Variants in CDH12 observed in about 807,000 individuals in gnomAD.
CDH12 encodes the protein cadherin 12.
CDH12 carries 41 observed loss-of-function variants against 74.1 expected under a neutral mutation model. That is an observed-to-expected ratio of 0.55 (90% confidence interval 0.43 to 0.72). CDH12 has a LOEUF of 0.72. Ranked by LOEUF, CDH12 falls within the 30% of genes least tolerant of loss-of-function variation. The pLI is 0.00. For synonymous variants in CDH12, 399 were observed against 355.0 expected, an observed-to-expected ratio of 1.12 and a Z score of -1.39; for missense variants, 945 against 977.2, an observed-to-expected ratio of 0.97 and a Z score of 0.44.
In CDH12 at chr5:21,871,810, G is replaced by A. The variant is rs575456162; in HGVS notation, c.527-17020C>T. 4.6e-5 allele frequency among the ~76,000 whole-genome samples: 7 copies of A among 152,118 alleles called. No homozygotes were observed. In the South Asian group the frequency reaches 6.2e-4, roughly 14 times the overall value. On this transcript the variant is annotated intron_variant, in intron 6 of 14. Coordinates refer to ENST00000382254, the MANE Select transcript of CDH12 (RefSeq NM_004061.5). ...GCACCACGTGTAGGGTATGACTTCC[G>A]AAAGTGTGACACTTGCAAGACTCCT...
chr5:22,389,937 C>G (rs1165789749), intron 3 of CDH12, among the ~76,000 whole-genome samples: 2 of 151,764 alleles, frequency 1.3e-5, no homozygotes, highest in Non-Finnish European at 1.5e-5. Context: ...CGTGAGCCAC[C>G]GTGCCTGGCC....
chr5:22,470,335 A>G (rs894215741), intron 2 of CDH12, among the ~76,000 whole-genome samples: 1 of 152,020 alleles, frequency 6.6e-6, no homozygotes, highest in Non-Finnish European at 1.5e-5. Context: ...CATTATTGAG[A>G]CTTAAAATTT....
intron 1 of CDH12, among the ~76,000 whole-genome samples, chr5:22,830,840 T>G (rs958380716): frequency 7.2e-5 from 11 of 151,846 alleles, no homozygotes; most frequent in African/African-American, 2.6e-4. Flanking sequence ...ATGTGCACTA[T>G]AATTTTCTGA....
chr5:22,378,445 G>A (rs1335723768), intron 3 of CDH12, among the ~76,000 whole-genome samples: 1 of 151,992 alleles, frequency 6.6e-6, no homozygotes, highest in African/African-American at 2.4e-5. Flanking sequence ...AAGCATAGTG[G>A]ACGTATATAA....
chr5:22,583,258 A>C (rs1378821967), intron 1 of CDH12, among the ~76,000 whole-genome samples: 1 of 152,206 alleles, frequency 6.6e-6, no homozygotes, highest in Non-Finnish European at 1.5e-5. Flanking sequence ...CATAGAAACT[A>C]TGTATATCAG....
intron 3 of CDH12, among the ~76,000 whole-genome samples, chr5:22,259,328 T>A (rs1440255778): frequency 1.3e-5 from 2 of 152,008 alleles, no homozygotes; most frequent in Non-Finnish European, 2.9e-5. Context: ...AGTAAAAAAT[T>A]GGGGATTTAA....
chr5:21,900,257 C>T (rs1271981124), intron 6 of CDH12, among the ~76,000 whole-genome samples: 1 of 151,918 alleles, frequency 6.6e-6, no homozygotes, highest in Non-Finnish European at 1.5e-5. Context: ...CTGTGGAAGG[C>T]AGGAGGGAGG....
At chr5:22,026,114 A>G (rs1339497385) in intron 5 of CDH12, among the ~76,000 whole-genome samples, 1 of 152,112 alleles carries the variant, frequency 6.6e-6, no homozygotes, top group African/African-American at 2.4e-5. Context: ...TAGCATCTGG[A>G]ATGGTGATTC....
chr5:22,730,986 C>G (rs1301870100), intron 1 of CDH12, among the ~76,000 whole-genome samples: 1 of 151,700 alleles, frequency 6.6e-6, no homozygotes, highest in Non-Finnish European at 1.5e-5. Context: ...GATGTTGTTG[C>G]TAAGAATAAG....
At chr5:22,083,717 A>T (rs1742887718) in intron 4 of CDH12, among the ~76,000 whole-genome samples, 1 of 152,170 alleles carries the variant, frequency 6.6e-6, no homozygotes, top group African/African-American at 2.4e-5. Flanking sequence ...AGTACATAGC[A>T]GGCAGGCTTG....
At chr5:22,714,032 C>A (rs1743436442) in intron 1 of CDH12, among the ~76,000 whole-genome samples, 1 of 152,152 alleles carries the variant, frequency 6.6e-6, no homozygotes, top group Non-Finnish European at 1.5e-5. Context: ...ACATAAAATT[C>A]TCTCTCTTTT....
At chr5:21,816,624 CAAAAAAAAAAAAAAAAAA>C (rs542222336) in intron 9 of CDH12, among the ~76,000 whole-genome samples, 2 of 17,956 alleles carry the variant, frequency 1.1e-4, no homozygotes, top group Admixed American at 1.2e-3. Context: ...AACTCCATCT[CAAAAAAAAAAAAAAAAAA>C]AAAAAAAAAA....
At chr5:22,821,768 G>A (rs552492892) in intron 1 of CDH12, among the ~76,000 whole-genome samples, 9 of 151,204 alleles carry the variant, frequency 6.0e-5, no homozygotes, top group Non-Finnish European at 1.2e-4. Flanking sequence ...CATGCTCATG[G>A]GTAGGAAGAA....
intron 1 of CDH12, among the ~76,000 whole-genome samples, chr5:22,508,068 G>A (rs931995763): frequency 6.6e-6 from 1 of 152,110 alleles, no homozygotes; most frequent in East Asian, 1.9e-4. Flanking sequence ...AGCTAATACA[G>A]GATAATCTCC....
intron 4 of CDH12, among the ~76,000 whole-genome samples, chr5:22,156,784 TG>T (rs1276653910): frequency 6.6e-6 from 1 of 152,176 alleles, no homozygotes; most frequent in African/African-American, 2.4e-5. Context: ...TTTTAATTGC[TG>T]TGCCATTTTT....
intron 4 of CDH12, among the ~76,000 whole-genome samples, chr5:22,098,176 G>C (rs1367657763): frequency 6.6e-6 from 1 of 152,128 alleles, no homozygotes; most frequent in African/African-American, 2.4e-5. Flanking sequence ...ATCAGGCTCA[G>C]CAAATTACCT....
intron 1 of CDH12, among the ~76,000 whole-genome samples, chr5:22,737,727 C>T (rs1046874510): frequency 2.0e-5 from 3 of 151,990 alleles, no homozygotes; most frequent in Admixed American, 6.6e-5. Flanking sequence ...AATGTAATAA[C>T]TGTTCAAAAT....
intron 3 of CDH12, among the ~76,000 whole-genome samples, chr5:22,330,490 C>A (rs1453822330): frequency 6.6e-6 from 1 of 152,026 alleles, no homozygotes; most frequent in Non-Finnish European, 1.5e-5. Context: ...TGGTGGCTCA[C>A]ACTTGTAATC....
chr5:22,279,645 C>G (rs928725419), intron 3 of CDH12, among the ~76,000 whole-genome samples: 1 of 152,008 alleles, frequency 6.6e-6, no homozygotes, highest in Non-Finnish European at 1.5e-5. Context: ...TTTGTCCTTG[C>G]AATAGTTTGC....
Sources: gnomAD v4.1 joint callset for allele counts (sites outside exome capture counted in the v4.1 genomes callset) on GRCh38, gnomAD v4.1.1 for gene constraint, MANE v1.5 for transcripts, NCBI Gene and HGNC (gene_info 2026-07-23, HGNC 2026-07-21) for gene names.